Variants in SOSTDC1 observed in about 807,000 individuals in gnomAD.
SOSTDC1 encodes the protein sclerostin domain-containing protein 1.
Under a neutral mutation model 15.1 loss-of-function variants are expected in SOSTDC1, and 7 were observed. That is an observed-to-expected ratio of 0.46 (90% CI 0.26 to 0.87). The LOEUF is 0.87. SOSTDC1 is among the 40% of genes least tolerant of loss of function. The pLI is 0.15. For missense variants in SOSTDC1, 242 were observed against 259.2 expected (o/e 0.93, Z 0.46); for synonymous variants, 94 against 93.2 (o/e 1.01, Z -0.05).
intron 1 of SOSTDC1, among the ~76,000 whole-genome samples, chr7:16,465,146 T>G (rs148010788): frequency 1.4e-3 from 212 of 152,312 alleles, no homozygotes; most frequent in Middle Eastern, 6.8e-3. Context: ...TTGAGCTATC[T>G]AAAACAATAC....
At chr7:16,464,510 G>C in intron 1 of SOSTDC1, 1 of 670,544 alleles carries the variant, frequency 1.5e-6, no homozygotes, top group Non-Finnish European at 2.6e-6. Context: ...AACCAGCTTC[G>C]TGAAAGTTAA....
chr7:16,462,458 G>A lies in SOSTDC1; in HGVS notation c.*90C>T, dbSNP rs1415017960. On this transcript the variant is annotated 3_prime_UTR_variant, in exon 2 of 2. Coordinates refer to ENST00000307068, the MANE Select transcript of SOSTDC1 (RefSeq NM_015464.3). ...GCAGAAAGCATATACTTTCAAGTGAGAAAACAGCAGTGGCAGGCTTGAGTC... is the reference window on the plus strand; with the variant it reads ...GCAGAAAGCATATACTTTCAAGTGAAAAAACAGCAGTGGCAGGCTTGAGTC... The A allele has an allele frequency of 8.0e-6, 11 of 1,371,182 alleles. No individual in the cohort carries two copies. In the African/African-American group the frequency reaches 1.6e-4, roughly 20 times the overall value. The allele number at this position is 1,371,182 out of a possible 1,614,324, so 84.9% of individuals were successfully genotyped here.
intron 1 of SOSTDC1, 44 bp downstream of exon 1, chr7:16,465,420 A>T: frequency 6.7e-7 from 1 of 1,485,016 alleles, no homozygotes; most frequent in South Asian, 1.1e-5. Flanking sequence ...AGCTAATGCT[A>T]CCAGAAAAGA....
Position 16,462,862 on chromosome 7 carries a change from C to T in SOSTDC1, c.307G>A (p.Glu103Lys), listed in dbSNP as rs1001089128. Residue 103 changes from glutamate to lysine, a missense_variant, in exon 2 of 2, where the codon GAG becomes AAG. By Grantham distance (56) the Glu-to-Lys change is moderately conservative (BLOSUM62 1). Transcript: ENST00000307068. ...SPLKELVCAG[E>K]CLPLPVLPNW... ...GGGAGCACTGGCAGGGGCAAGCACT[C>T]GCCAGCACACACCAGCTCCTTCAGA... 8.1e-6 allele frequency: 13 copies of T among 1,614,000 alleles called. No homozygotes were observed. Among genetic ancestry groups the T allele is most frequent in the South Asian group, 7.7e-5 (7 of 91,082 alleles).
intron 1 of SOSTDC1, among the ~76,000 whole-genome samples, chr7:16,464,839 C>T (rs1781277680): frequency 6.6e-6 from 1 of 152,250 alleles, no homozygotes; most frequent in South Asian, 2.1e-4. Flanking sequence ...CACAGAAATA[C>T]ACAATTATCT....
chr7:16,462,983 A>C lies in SOSTDC1; in HGVS notation c.206-20T>G, dbSNP rs1473956645. 2 of 1,520,110 alleles carry C rather than the reference A, an allele frequency of 1.3e-6. No homozygotes were observed. The highest frequency in any genetic ancestry group is 1.8e-6 in the Non-Finnish European group (2 of 1,132,070). 94.2% of individuals were successfully genotyped at this position (1,520,110 alleles called of 1,614,324 possible). On this transcript the variant is annotated intron_variant, in intron 1 of 1. Coordinates refer to ENST00000307068, the MANE Select transcript of SOSTDC1 (RefSeq NM_015464.3). ...CCCGAGCTGCAGGAAACAAAAAAGA[A>C]TGTGCATCAGAGAAAAAATGCAAAT...
intron 1 of SOSTDC1, among the ~76,000 whole-genome samples, chr7:16,465,145 C>G (rs1330608616): frequency 1.3e-5 from 2 of 152,112 alleles, no homozygotes; most frequent in African/African-American, 4.8e-5. Flanking sequence ...CTTGAGCTAT[C>G]TAAAACAATA....
chr7:16,464,223 C>A, intron 1 of SOSTDC1: 1 of 919,552 alleles, frequency 1.1e-6, no homozygotes. Context: ...GACATGCATG[C>A]ATAGAAATCT....
At position 16,462,674 on chromosome 7, in the gene SOSTDC1, G is replaced by A; in HGVS notation, c.495C>T (p.Cys165=). ...YKITVVTACK[C]KRYTRQHNES... is the part of the protein sequence containing the mutation. Reference sequence around the variant, plus strand: ...CGTTGTGCTGCCGGGTGTACCTCTTGCACTTGCAGGCAGTGACTACTGTGA... The same window carrying A: ...CGTTGTGCTGCCGGGTGTACCTCTTACACTTGCAGGCAGTGACTACTGTGA... The change falls in exon 2 of 2, where the codon TGC becomes TGT. Residue 165 remains cysteine, a synonymous_variant. Coordinates refer to ENST00000307068, the MANE Select transcript of SOSTDC1 (RefSeq NM_015464.3). The A allele has an allele frequency of 6.2e-7, 1 of 1,614,192 alleles. No homozygotes were observed. Among genetic ancestry groups the A allele is most frequent in the Non-Finnish European group, 8.5e-7 (1 of 1,180,024 alleles).
chr7:16,464,592 T>C (rs1316708393), intron 1 of SOSTDC1, among the ~76,000 whole-genome samples: 1 of 152,158 alleles, frequency 6.6e-6, no homozygotes, highest in Admixed American at 6.5e-5. Flanking sequence ...CTACTTTTCG[T>C]AGTTGAATGG....
At position 16,462,919 on chromosome 7, in the gene SOSTDC1, T is replaced by C. The variant is rs776580197; in HGVS notation, c.250A>G (p.Ile84Val). 6 of 1,600,578 alleles carry C rather than the reference T, an allele frequency of 3.7e-6. No individual in the cohort carries two copies. Among genetic ancestry groups the C allele is most frequent in the Admixed American group, 3.4e-5 (2 of 59,286 alleles). Reference protein sequence around the residue: ...GCRELRSTKYISDGQCTSISP... With the variant: ...GCRELRSTKYVSDGQCTSISP... ...ATGCTGGTGCACTGGCCATCAGAGATGTATTTGGTGGAACGCAGTTCCCGG... is the reference window on the plus strand; with the variant it reads ...ATGCTGGTGCACTGGCCATCAGAGACGTATTTGGTGGAACGCAGTTCCCGG... The change falls in exon 2 of 2, where the codon ATC (isoleucine) becomes GTC (valine). Residue 84 changes from isoleucine (I) to valine (V), a missense_variant. Ile to Val is a conservative substitution (Grantham distance 29). Transcript: ENST00000307068.
chr7:16,463,009 G>A (rs1218444786), intron 1 of SOSTDC1, 46 bp from the exon 2 acceptor site: 3 of 1,501,862 alleles, frequency 2.0e-6, no homozygotes, highest in Non-Finnish European at 2.7e-6. Flanking sequence ...AAATGCAAAT[G>A]AAGACCTTTT....
At chr7:16,463,275 A>G (rs552012202) in intron 1 of SOSTDC1, among the ~76,000 whole-genome samples, 7 of 152,288 alleles carry the variant, frequency 4.6e-5, no homozygotes, top group Admixed American at 2.6e-4. Flanking sequence ...TGACTCTCCA[A>G]TAAGGGGTTA....
At chr7:16,464,099 C>T (rs17619858) in intron 1 of SOSTDC1, among the ~76,000 whole-genome samples, 1 of 151,944 alleles carries the variant, frequency 6.6e-6, no homozygotes. Flanking sequence ...CTGAAAGATA[C>T]GTCGAAGTAG....
intron 1 of SOSTDC1, 33 bp from the exon 2 acceptor site, chr7:16,462,996 A>G (rs1781237613): frequency 6.6e-7 from 1 of 1,512,584 alleles, no homozygotes; most frequent in Non-Finnish European, 8.9e-7. Context: ...TGCATCAGAG[A>G]AAAAATGCAA....
chr7:16,464,507 T>G (rs2128327435), intron 1 of SOSTDC1: 1 of 670,864 alleles, frequency 1.5e-6, no homozygotes, highest in Admixed American at 2.2e-5. Context: ...AGCAACCAGC[T>G]TCGTGAAAGT....
chr7:16,462,590 C>G lies in SOSTDC1; in HGVS notation c.579G>C (p.Glu193Asp), dbSNP rs752242189. ...TGCTGGATTTGCTGGCTCTTTTCCG[C>G]TCTCTGTGATGCTGGACTGGCTTGG... The part of the protein sequence containing the change: ...SPAKPVQHHR[E>D]RKRASKSSKH... The change falls in exon 2 of 2, where the codon GAG (glutamate) becomes GAC (aspartate). Residue 193 changes from glutamate to aspartate, a missense_variant. Physicochemically the swap from Glu to Asp is conservative, Grantham distance 45. Transcript: ENST00000307068. 6.2e-7 allele frequency: 1 copy of G among 1,614,178 alleles called. No individual in the cohort carries two copies.
rs757233320 is a variant in SOSTDC1, at chr7:16,462,527, C to A, written c.*21G>T. 3 of 1,609,436 alleles carry A rather than the reference C, an allele frequency of 1.9e-6. No individual in the cohort carries two copies. In the South Asian group the frequency reaches 3.3e-5, roughly 18 times the overall value. ...GTAAAGCAGATGGTTACTAGTAAGT[C>A]TAGTTATGGGAGTCTGAGTTCTAAC... On this transcript the variant is annotated 3_prime_UTR_variant, in exon 2 of 2. Coordinates refer to ENST00000307068, the MANE Select transcript of SOSTDC1 (RefSeq NM_015464.3).
chr7:16,463,012 G>C, intron 1 of SOSTDC1, 49 bp from the exon 2 acceptor site: 1 of 1,494,348 alleles, frequency 6.7e-7, no homozygotes, highest in Non-Finnish European at 8.9e-7. Context: ...TGCAAATGAA[G>C]ACCTTTTAAA....
Sources: gnomAD v4.1 joint callset for allele counts (sites outside exome capture counted in the v4.1 genomes callset) on GRCh38, gnomAD v4.1.1 for gene constraint, MANE v1.5 for transcripts, NCBI Gene and HGNC (gene_info 2026-07-23, HGNC 2026-07-21) for gene names.